Variants in ATF6 observed in about 807,000 individuals in gnomAD.
ATF6 encodes activating transcription factor 6.
Under a neutral mutation model 83.6 loss-of-function variants are expected in ATF6, and 53 were observed. The observed-to-expected ratio is 0.63, with a 90% CI of 0.51 to 0.80. ATF6 has a LOEUF of 0.80. Ranked by LOEUF, ATF6 falls within the 30% of genes least tolerant of loss-of-function variation. The pLI is 0.00. For missense variants in ATF6, 744 were observed against 797.9 expected, an observed-to-expected ratio of 0.93 and a Z score of 0.81; for synonymous variants, 288 against 285.8, an observed-to-expected ratio of 1.01 and a Z score of -0.08.
intron 15 of ATF6, among the ~76,000 whole-genome samples, chr1:161,955,718 G>A (rs998627374): frequency 6.6e-6 from 1 of 152,136 alleles, no homozygotes; most frequent in African/African-American, 2.4e-5. Context: ...GACTCCTAAT[G>A]GCATGTTACC....
rs1471768435 is a variant in ATF6 at position 161,962,309 on chromosome 1, TAA to T, written c.*3657_*3658del. ...TCAAATTGATTTTTCAAATCATTTT[TAA>T]AGAGACATCATCCTGACTAAATCTT... is the stretch of plus-strand genomic sequence containing the variant. On this transcript the variant is annotated 3_prime_UTR_variant, in exon 16 of 16. Transcript: ENST00000367942. 1 of 152,194 alleles carries T rather than the reference TAA, an allele frequency of 6.6e-6. No homozygotes were observed. Among genetic ancestry groups the T allele is most frequent in the South Asian group, 2.1e-4 (1 of 4,828 alleles). The allele number at this position is 152,194 out of a possible 1,614,324, so 9.4% of individuals were successfully genotyped here.
chr1:161,784,140 A>C (rs769530072), intron 4 of ATF6, 44 bp downstream of exon 4: 6 of 1,344,086 alleles, frequency 4.5e-6, no homozygotes, highest in Non-Finnish European at 6.4e-6. Context: ...ATAATATGCT[A>C]TCTGGAAAAT....
chr1:161,862,814 T>C (rs530826626), intron 13 of ATF6, among the ~76,000 whole-genome samples: 57 of 152,162 alleles, frequency 3.7e-4, no homozygotes, highest in Non-Finnish European at 6.0e-4. Context: ...CTTCATATAT[T>C]CGACAGGGTG....
At chr1:161,792,531 G>C (rs1284954328) in intron 6 of ATF6, among the ~76,000 whole-genome samples, 3 of 152,130 alleles carry the variant, frequency 2.0e-5, no homozygotes, top group Admixed American at 1.3e-4. Flanking sequence ...AGTTACATCT[G>C]ATGGTTATTT....
intron 15 of ATF6, among the ~76,000 whole-genome samples, chr1:161,929,894 A>G (rs1571244082): frequency 6.6e-6 from 1 of 152,224 alleles, no homozygotes; most frequent in Non-Finnish European, 1.5e-5. Flanking sequence ...AGGTACAGGC[A>G]CTATCATCTC....
chr1:161,889,347 A>G (rs1346565108), intron 14 of ATF6, among the ~76,000 whole-genome samples: 2 of 152,212 alleles, frequency 1.3e-5, no homozygotes, highest in Non-Finnish European at 2.9e-5. Flanking sequence ...TGAGGCCTTG[A>G]GATTGTACTG....
chr1:161,885,497 T>C (rs1034388744), intron 14 of ATF6, among the ~76,000 whole-genome samples: 1 of 152,052 alleles, frequency 6.6e-6, no homozygotes, highest in African/African-American at 2.4e-5. Flanking sequence ...ATGCTATTGA[T>C]GGGAGGAAAA....
chr1:161,891,422 T>C lies in ATF6; in HGVS notation c.1720-20874T>C, dbSNP rs1490189472. The C allele has an allele frequency of 2.6e-5, 4 of 152,388 alleles. No homozygotes were observed. The East Asian group carries it at 7.7e-4, about 29-fold the overall frequency. The allele number at this position is 152,388 out of a possible 1,614,324, so 9.4% of individuals were successfully genotyped here. ...CTGTGGACCAGCTGTGGACCGTGGA[T>C]AGCACAGCGGCCTCCTCTCTATGCG... On this transcript the variant is annotated intron_variant, in intron 14 of 15. Transcript: ENST00000367942.
chr1:161,873,714 C>T (rs1375978780), intron 14 of ATF6, among the ~76,000 whole-genome samples: 1 of 151,472 alleles, frequency 6.6e-6, no homozygotes, highest in African/African-American at 2.4e-5. Context: ...ACACTGGAAG[C>T]CTGCAAGATG....
intron 9 of ATF6, among the ~76,000 whole-genome samples, chr1:161,826,931 A>AT (rs11376981): frequency 0.7 from 90,214 of 129,544 alleles, 32,292 homozygotes; most frequent in Non-Finnish European, 0.74. Context: ...GATTGGCCCC[A>AT]TTTTTTTTTT....
At position 161,958,957 on chromosome 1, in the gene ATF6, C is replaced by A; in HGVS notation, c.*303C>A. On this transcript the variant is annotated 3_prime_UTR_variant, in exon 16 of 16. Transcript: ENST00000367942. ...GTACCTTTCTAAACCTCTCTTCCCT[C>A]TGTGATGGTTTTGTGTTTAAACAGT... is the stretch of plus-strand genomic sequence containing the variant. 8.4e-6 allele frequency: 2 copies of A among 238,600 alleles called. No homozygotes were observed. The highest frequency in any genetic ancestry group is 1.4e-4 in the South Asian group (1 of 7,196). 14.8% of individuals were successfully genotyped at this position (238,600 alleles called of 1,614,324 possible).
chr1:161,875,657 A>G (rs1411959269), intron 14 of ATF6, among the ~76,000 whole-genome samples: 1 of 151,874 alleles, frequency 6.6e-6, no homozygotes, highest in East Asian at 1.9e-4. Context: ...TATTTTCAAG[A>G]ACATATCTGT....
intron 6 of ATF6, among the ~76,000 whole-genome samples, chr1:161,800,179 G>A (rs1685110160): frequency 6.6e-6 from 1 of 152,134 alleles, no homozygotes; most frequent in Non-Finnish European, 1.5e-5. Context: ...CCCCTTAAAT[G>A]AAATGCTTGG....
chr1:161,798,361 C>T (rs943747782), intron 6 of ATF6, among the ~76,000 whole-genome samples: 8 of 152,162 alleles, frequency 5.3e-5, no homozygotes, highest in South Asian at 2.1e-4. Flanking sequence ...CACCTGTAAT[C>T]CCAGCACTTT....
intron 14 of ATF6, among the ~76,000 whole-genome samples, chr1:161,904,703 G>C (rs1053762173): frequency 2.0e-5 from 3 of 152,014 alleles, no homozygotes; most frequent in Non-Finnish European, 4.4e-5. Context: ...AAGAAAACTG[G>C]TAGGCTTTAG....
At chr1:161,804,612 T>G (rs1324847553) in intron 7 of ATF6, among the ~76,000 whole-genome samples, 1 of 152,000 alleles carries the variant, frequency 6.6e-6, no homozygotes, top group Non-Finnish European at 1.5e-5. Context: ...TAGAAAGGTT[T>G]CTTCTAAACA....
At chr1:161,775,227 G>A (rs1032212018) in intron 1 of ATF6, among the ~76,000 whole-genome samples, 1 of 152,136 alleles carries the variant, frequency 6.6e-6, no homozygotes, top group Non-Finnish European at 1.5e-5. Context: ...TGATCACTTG[G>A]TCAAGTTGGT....
At chr1:161,799,910 T>C (rs1236361123) in intron 6 of ATF6, among the ~76,000 whole-genome samples, 1 of 152,220 alleles carries the variant, frequency 6.6e-6, no homozygotes, top group Non-Finnish European at 1.5e-5. Flanking sequence ...GAGTTTTACA[T>C]GGGTCAACCT....
chr1:161,906,920 C>T (rs537210354), intron 14 of ATF6, among the ~76,000 whole-genome samples: 4 of 152,222 alleles, frequency 2.6e-5, no homozygotes, highest in African/African-American at 9.6e-5. Context: ...TGCTGAGAAG[C>T]CCTGTATCGT....
Sources: allele counts gnomAD v4.1 joint callset (sites outside exome capture counted in the v4.1 genomes callset), GRCh38; gene constraint gnomAD v4.1.1; transcripts MANE v1.5; gene names NCBI Gene and HGNC (gene_info 2026-07-23, HGNC 2026-07-21).